SPIRE1: variants seen among roughly 807,000 people sequenced by gnomAD.
SPIRE1 encodes the protein protein spire homolog 1.
SPIRE1 carries 40 observed loss-of-function variants against 94.1 expected under a neutral mutation model. The ratio of observed to expected loss-of-function variants is 0.43; its 90% CI spans 0.33 to 0.55. The LOEUF (loss-of-function observed/expected upper bound fraction) is 0.55. Ranked by LOEUF, SPIRE1 falls within the 20% of genes least tolerant of loss-of-function variation. The pLI, the probability that SPIRE1 is intolerant of heterozygous loss-of-function variation, is 0.06. For synonymous variants in SPIRE1, 376 were observed against 371.7 expected, an observed-to-expected ratio of 1.01 and a Z score of -0.13; for missense variants, 838 against 975.2, an observed-to-expected ratio of 0.86 and a Z score of 1.87.
In SPIRE1 at chr18:12,604,562, T is replaced by C. The variant is rs1395672064; in HGVS notation, c.372+30500A>G. Reference sequence around the variant, plus strand: ...GCCCTAATATATCCTAATATATATCTGAGTTGACATGATGGCCTCCGGAGT... The same window carrying C: ...GCCCTAATATATCCTAATATATATCCGAGTTGACATGATGGCCTCCGGAGT... On this transcript the variant is annotated intron_variant, in intron 2 of 16. Coordinates refer to ENST00000409402, the MANE Select transcript of SPIRE1 (RefSeq NM_001128626.2). 3.9e-5 allele frequency among the ~76,000 whole-genome samples: 6 copies of C among 152,324 alleles called. 1 individual carries two copies. The highest frequency in any genetic ancestry group is 1.9e-4 in the East Asian group (1 of 5,186).
intron 3 of SPIRE1, among the ~76,000 whole-genome samples, chr18:12,537,940 G>A (rs2034890526): frequency 1.3e-5 from 2 of 152,126 alleles, no homozygotes; most frequent in South Asian, 4.1e-4. Flanking sequence ...GTGATGAACA[G>A]ATTGAATGCA....
rs185054687 is a variant in SPIRE1 at position 12,623,875 on chromosome 18, G to T, written c.372+11187C>A. 4.5e-3 allele frequency among the ~76,000 whole-genome samples: 683 copies of T among 151,932 alleles called. 4 individuals are homozygous for T. The highest frequency in any genetic ancestry group is 0.014 in the Middle Eastern group (4 of 292). On this transcript the variant is annotated intron_variant, in intron 2 of 16. Coordinates refer to ENST00000409402, the MANE Select transcript of SPIRE1 (RefSeq NM_001128626.2). ...ACTCCTGACCTCAGGTGATCCGCCTGCCTCGGCCTTCCAAAGTGCTGGGAT... is the reference window on the plus strand; with the variant it reads ...ACTCCTGACCTCAGGTGATCCGCCTTCCTCGGCCTTCCAAAGTGCTGGGAT...
intron 2 of SPIRE1, among the ~76,000 whole-genome samples, chr18:12,585,486 T>C (rs1386615566): frequency 6.6e-6 from 1 of 152,212 alleles, no homozygotes; most frequent in Admixed American, 6.5e-5. Context: ...AGTACTCACA[T>C]GCTGCATGAT....
At chr18:12,508,675 G>GTT (rs1214659836) in intron 5 of SPIRE1, among the ~76,000 whole-genome samples, 28 of 139,792 alleles carry the variant, frequency 2.0e-4, no homozygotes, top group African/African-American at 3.4e-4. Flanking sequence ...AACACACTTG[G>GTT]TTTTTTTTTT....
chr18:12,452,850 C>T (rs2031313679), intron 14 of SPIRE1, among the ~76,000 whole-genome samples: 1 of 152,098 alleles, frequency 6.6e-6, no homozygotes, highest in Non-Finnish European at 1.5e-5. Context: ...AAGTAACATA[C>T]AGAGAAACAT....
chr18:12,452,502 A>C lies in SPIRE1; in HGVS notation c.1858T>G (p.Ser620Ala). ...TAGCTTACCTTTTTGCAACACTGTG[A>C]GCACACCGGCCTGTAAACAAAATCA... ...TCQFCKRPVCSQCCKKMRLPS... is the reference protein window; with the variant it reads ...TCQFCKRPVCAQCCKKMRLPS... Residue 620 changes from serine to alanine, a missense_variant, in exon 15 of 17, where the codon TCA becomes GCA. Transcript: ENST00000409402. 6.2e-7 allele frequency: 1 copy of C among 1,613,900 alleles called. No homozygotes were observed. Among genetic ancestry groups the C allele is most frequent in the African/African-American group, 1.3e-5 (1 of 75,062 alleles).
Position 12,474,750 on chromosome 18 carries a change from C to T in SPIRE1, c.1404+4949G>A, listed in dbSNP as rs147000730. 3.4e-3 allele frequency among the ~76,000 whole-genome samples: 523 copies of T among 152,038 alleles called. 2 individuals are homozygous for T. Among genetic ancestry groups the T allele is most frequent in the Middle Eastern group, 6.8e-3 (2 of 294 alleles). On this transcript the variant is annotated intron_variant, in intron 10 of 16. Transcript: ENST00000409402. ...AGCAGAATTGCTTGAACCCGGGAGT[C>T]GGAGGATGCAGTGAGCTGAGGTCGC...
At chr18:12,524,499 C>T (rs2034445977) in intron 4 of SPIRE1, among the ~76,000 whole-genome samples, 1 of 152,108 alleles carries the variant, frequency 6.6e-6, no homozygotes, top group African/African-American at 2.4e-5. Context: ...GTTTTCTTTT[C>T]TCTAGGAAAA....
intron 11 of SPIRE1, among the ~76,000 whole-genome samples, chr18:12,463,771 CT>C (rs1448702060): frequency 6.6e-6 from 1 of 152,156 alleles, no homozygotes; most frequent in African/African-American, 2.4e-5. Context: ...AATGTACCCT[CT>C]TTTTACATTC....
In SPIRE1 at chr18:12,546,887, T is replaced by C. The variant is rs936439585; in HGVS notation, c.390A>G (p.Gly130=). Residue 130 remains glycine, a synonymous_variant, in exon 3 of 17, where the codon GGA becomes GGG. Coordinates refer to ENST00000409402, the MANE Select transcript of SPIRE1 (RefSeq NM_001128626.2). ...AGTCCAGTGCTTTATAAATAATAAT[T>C]CCCAAAGATTCAATGACCTAGGAAC... ...CMETEVIESL[G]IIIYKALDYG... The C allele has an allele frequency of 1.2e-6, 2 of 1,612,610 alleles. No individual in the cohort carries two copies. Among genetic ancestry groups the C allele is most frequent in the Non-Finnish European group, 1.7e-6 (2 of 1,179,182 alleles).
chr18:12,497,074 A>G (rs188683122), intron 6 of SPIRE1, among the ~76,000 whole-genome samples: 3 of 152,072 alleles, frequency 2.0e-5, no homozygotes, highest in African/African-American at 4.8e-5. Flanking sequence ...TCGCAAAACA[A>G]CAACAACAAC....
intron 12 of SPIRE1, among the ~76,000 whole-genome samples, chr18:12,455,326 TC>T (rs2031459706): frequency 6.6e-6 from 1 of 152,184 alleles, no homozygotes; most frequent in African/African-American, 2.4e-5. Flanking sequence ...TATTTAGTGA[TC>T]AGTTACATCA....
intron 5 of SPIRE1, among the ~76,000 whole-genome samples, chr18:12,510,399 A>G (rs2033999441): frequency 6.6e-6 from 1 of 152,164 alleles, no homozygotes; most frequent in African/African-American, 2.4e-5. Flanking sequence ...TCTCAATAAA[A>G]GTTAGAAAAT....
intron 6 of SPIRE1, among the ~76,000 whole-genome samples, chr18:12,503,450 C>G (rs946071221): frequency 1.3e-5 from 2 of 152,186 alleles, no homozygotes; most frequent in Non-Finnish European, 2.9e-5. Flanking sequence ...CTCTACTCAT[C>G]CTTCAGCGCC....
At chr18:12,517,630 T>A (rs149094497) in intron 4 of SPIRE1, among the ~76,000 whole-genome samples, 29 of 152,270 alleles carry the variant, frequency 1.9e-4, no homozygotes, top group Middle Eastern at 3.4e-3. Flanking sequence ...ACATGGCAAT[T>A]ACGCTTCCCA....
chr18:12,463,220 TTAAG>T (rs550148593), intron 12 of SPIRE1, 127 bp downstream of exon 12: 60 of 928,882 alleles, frequency 6.5e-5, no homozygotes, highest in Middle Eastern at 3.5e-4. Context: ...TCTTTAGCTA[TTAAG>T]TAAGTTATTC....
At chr18:12,654,951 T>C (rs9956595) in intron 1 of SPIRE1, among the ~76,000 whole-genome samples, 151,372 of 151,730 alleles carry the variant, frequency 1, 75,507 homozygotes, top group Middle Eastern at 1. Context: ...TCACTTGAAC[T>C]CAGGAGGCAG....
intron 10 of SPIRE1, among the ~76,000 whole-genome samples, chr18:12,469,966 A>T (rs1299040895): frequency 6.6e-6 from 1 of 151,828 alleles, no homozygotes; most frequent in Non-Finnish European, 1.5e-5. Context: ...ATTAGAGACA[A>T]GTTCTCACTC....
intron 2 of SPIRE1, among the ~76,000 whole-genome samples, chr18:12,557,204 C>T (rs1184772842): frequency 6.6e-6 from 1 of 152,210 alleles, no homozygotes; most frequent in African/African-American, 2.4e-5. Context: ...GGGGGTGGCG[C>T]CCGTCGGGGA....
Sources: allele counts gnomAD v4.1 joint callset (sites outside exome capture counted in the v4.1 genomes callset), GRCh38; gene constraint gnomAD v4.1.1; transcripts MANE v1.5; gene names NCBI Gene and HGNC (gene_info 2026-07-23, HGNC 2026-07-21).